SPMIP2: variants seen among roughly 807,000 people sequenced by gnomAD.
The protein encoded by SPMIP2 is protein SPMIP2.
the SPMIP2 span, chr4:158,904,389 C>T: frequency 7.6e-7 from 1 of 1,313,338 alleles, no homozygotes; most frequent in Non-Finnish European, 1.1e-6. Flanking sequence ...ATAATACTTT[C>T]TCATAAAAAG....
chr4:158,975,064 T>C, the SPMIP2 span, among the ~76,000 whole-genome samples: 1 of 152,238 alleles, frequency 6.6e-6, no homozygotes, highest in Non-Finnish European at 1.5e-5. Context: ...CCAGTGATGA[T>C]GAGCTTTTAT....
chr4:158,963,281 G>C, the SPMIP2 span, among the ~76,000 whole-genome samples: 99 of 2,614 alleles, frequency 0.038, 1 homozygote, highest in Admixed American at 0.16. Flanking sequence ...GTAGTAGGTA[G>C]TTTTGTTTTT....
the SPMIP2 span, among the ~76,000 whole-genome samples, chr4:159,011,057 G>C: frequency 6.6e-5 from 10 of 152,084 alleles, no homozygotes; most frequent in Non-Finnish European, 8.8e-5. Flanking sequence ...ACAAAACAGA[G>C]CTGATTCCTG....
chr4:159,067,392 G>A, the SPMIP2 span, among the ~76,000 whole-genome samples: 3 of 151,934 alleles, frequency 2.0e-5, no homozygotes, highest in African/African-American at 4.8e-5. Context: ...CACCATGCCC[G>A]GCTAATTTTT....
the SPMIP2 span, among the ~76,000 whole-genome samples, chr4:159,002,396 C>T: frequency 6.6e-6 from 1 of 152,162 alleles, no homozygotes; most frequent in South Asian, 2.1e-4. Flanking sequence ...TGGATCATAC[C>T]ATAGGTGTTA....
At chr4:159,053,047 C>T in the SPMIP2 span, among the ~76,000 whole-genome samples, 2,140 of 142,146 alleles carry the variant, frequency 0.015, 49 homozygotes, top group African/African-American at 0.053. Context: ...AGCTCCGCCT[C>T]CCGGGTTCAC....
At chr4:158,922,953 A>G in the SPMIP2 span, among the ~76,000 whole-genome samples, 2 of 152,232 alleles carry the variant, frequency 1.3e-5, no homozygotes, top group African/African-American at 2.4e-5. Flanking sequence ...GATATATAAT[A>G]GTTTGTTTAT....
the SPMIP2 span, among the ~76,000 whole-genome samples, chr4:158,945,983 C>T: frequency 5.9e-5 from 9 of 152,156 alleles, no homozygotes; most frequent in South Asian, 4.1e-4. Context: ...GCTGTTCCCT[C>T]GGTAAACCTG....
chr4:158,908,370 A>G, the SPMIP2 span, among the ~76,000 whole-genome samples: 2 of 152,206 alleles, frequency 1.3e-5, no homozygotes, highest in Admixed American at 1.3e-4. Flanking sequence ...GCCTGTTTAT[A>G]ATTAAGCAGA....
chr4:159,026,616 C>T, the SPMIP2 span: 17 of 108,752 alleles, frequency 1.6e-4, no homozygotes, highest in South Asian at 6.2e-4. Context: ...TCTTTTTTTT[C>T]ATTACTGTGT....
chr4:158,926,229 T>C, the SPMIP2 span, among the ~76,000 whole-genome samples: 10 of 152,324 alleles, frequency 6.6e-5, no homozygotes, highest in South Asian at 2.1e-3. Flanking sequence ...CCACTTGCTT[T>C]GAATTTAGTT....
the SPMIP2 span, chr4:158,960,206 A>G: frequency 1.2e-6 from 1 of 864,884 alleles, no homozygotes; most frequent in Non-Finnish European, 1.8e-6. Context: ...AATATACTTA[A>G]AAGTTTACAA....
chr4:159,079,630 G>A, the SPMIP2 span, among the ~76,000 whole-genome samples: 5 of 152,158 alleles, frequency 3.3e-5, no homozygotes, highest in Admixed American at 2.6e-4. Flanking sequence ...GTTTTACCAA[G>A]CCAGAGATCA....
At chr4:158,973,511 A>G in the SPMIP2 span, among the ~76,000 whole-genome samples, 2 of 152,120 alleles carry the variant, frequency 1.3e-5, no homozygotes, top group African/African-American at 4.8e-5. Context: ...TTATCTGTTA[A>G]TTAATGTTTA....
chr4:158,908,225 CAG>C, the SPMIP2 span, among the ~76,000 whole-genome samples: 11 of 152,100 alleles, frequency 7.2e-5, no homozygotes, highest in Non-Finnish European at 1.5e-4. Context: ...GTTACTGGCA[CAG>C]AGAGGCTGGG....
At chr4:158,942,990 C>T in the SPMIP2 span, among the ~76,000 whole-genome samples, 20 of 152,248 alleles carry the variant, frequency 1.3e-4, no homozygotes, top group South Asian at 4.1e-3. Context: ...GAATAAAAAA[C>T]ATTAGTGATG....
At chr4:159,064,884 T>C in the SPMIP2 span, among the ~76,000 whole-genome samples, 1 of 152,240 alleles carries the variant, frequency 6.6e-6, no homozygotes, top group Admixed American at 6.5e-5. Context: ...CACATGTGTA[T>C]TGAGGGAATA....
At chr4:158,928,575 A>G in the SPMIP2 span, among the ~76,000 whole-genome samples, 1 of 152,152 alleles carries the variant, frequency 6.6e-6, no homozygotes, top group African/African-American at 2.4e-5. Context: ...GTCAAAACAG[A>G]CCACTCAGCT....
At chr4:158,903,907 C>A in the SPMIP2 span, among the ~76,000 whole-genome samples, 1 of 152,304 alleles carries the variant, frequency 6.6e-6, no homozygotes, top group Admixed American at 6.5e-5. Flanking sequence ...CATTTGAAAC[C>A]ATGATGTCTC....
Sources: gnomAD v4.1 joint callset for allele counts (sites outside exome capture counted in the v4.1 genomes callset) on GRCh38, gnomAD v4.1.1 for gene constraint, MANE v1.5 for transcripts, NCBI Gene and HGNC (gene_info 2026-07-23, HGNC 2026-07-21) for gene names.